The following USP9X variants were observed in gnomAD, a reference collection of about 807,000 sequenced individuals.
The protein encoded by USP9X is ubiquitin specific peptidase 9 X-linked, also known as ubiquitin carboxyl-terminal hydrolase 9X.
USP9X carries 7 observed loss-of-function variants against 190.3 expected under a neutral mutation model. The observed-to-expected ratio is 0.04, with a 90% confidence interval of 0.02 to 0.07. The LOEUF is 0.07. Among genes scored for constraint, USP9X ranks in the 10% least tolerant of loss-of-function variants. The pLI, the probability that USP9X is intolerant of heterozygous loss-of-function variation, is 1.00. For missense variants in USP9X, 1,010 were observed against 1,916.9 expected (o/e 0.53, Z 8.83); for synonymous variants, 645 against 659.5 (o/e 0.98, Z 0.34).
At chrX:41,227,861 T>C (rs1478199685) in intron 41 of USP9X, among the ~76,000 whole-genome samples, 1 of 111,524 alleles carries the variant, frequency 9.0e-6, no homozygotes, top group African/African-American at 3.3e-5. Flanking sequence ...CCACCATGCC[T>C]GGCTAATTAT....
Position 41,201,288 on chromosome X carries a change from T to A in USP9X, c.4824+8T>A. ...GAGAAGCAGGACAATGAGGTAAATT[T>A]GAGTTACCATTTCTGTTTTCTGTGT... On this transcript the variant is annotated splice_region_variant and intron_variant, in intron 31 of 44. Transcript: ENST00000378308. The A allele has an allele frequency of 3.4e-6, 4 of 1,189,499 alleles. No homozygotes were observed. The highest frequency in any genetic ancestry group is 4.6e-6 in the Non-Finnish European group (4 of 875,309).
At chrX:41,228,627 A>G (rs201345705) in intron 41 of USP9X, among the ~76,000 whole-genome samples, 2 of 104,133 alleles carry the variant, frequency 1.9e-5, no homozygotes, top group Middle Eastern at 5.1e-3. Context: ...ACTTAGTTAT[A>G]ACTTTTTTAA....
intron 6 of USP9X, among the ~76,000 whole-genome samples, chrX:41,138,471 T>C (rs761809912): frequency 5.3e-5 from 6 of 112,212 alleles, no homozygotes; most frequent in Non-Finnish European, 1.1e-4. Context: ...TTTGAGAAAT[T>C]TGAGTTACAG....
rs763361940 is a variant in USP9X at position 41,166,290 on chromosome X, T to C, written c.2328+76T>C. The stretch of plus-strand genomic sequence containing the variant: ...GTACGTAAGGAATTGTAATTTTGCA[T>C]ATAAATTGTGTATTTTACTCTGATG... On this transcript the variant is annotated intron_variant, in intron 16 of 44. Coordinates refer to ENST00000378308, the MANE Select transcript of USP9X (RefSeq NM_001039591.3). 2.6e-5 allele frequency: 20 copies of C among 783,466 alleles called. No individual in the cohort carries two copies. In the African/African-American group the frequency reaches 3.0e-4, roughly 12 times the overall value. The allele number at this position is 783,466 out of a possible 1,213,427, so 64.6% of individuals were successfully genotyped here.
intron 9 of USP9X, among the ~76,000 whole-genome samples, chrX:41,142,556 T>C (rs1267045253): frequency 8.9e-6 from 1 of 112,061 alleles, no homozygotes; most frequent in Non-Finnish European, 1.9e-5. Flanking sequence ...ACTGGCTCAT[T>C]ATCAGCTGAG....
rs766076104 is a variant in USP9X at position 41,209,264 on chromosome X, G to A, written c.5016-1245G>A. On this transcript the variant is annotated intron_variant, in intron 32 of 44. Coordinates refer to ENST00000378308, the MANE Select transcript of USP9X (RefSeq NM_001039591.3). ...CTCATGAAGGAATCACAAGGATTTGGCTGTTAGCTCTTTAGTTGCCTTTTA... is the reference window on the plus strand; with the variant it reads ...CTCATGAAGGAATCACAAGGATTTGACTGTTAGCTCTTTAGTTGCCTTTTA... 9.1e-4 allele frequency among the ~76,000 whole-genome samples: 102 copies of A among 111,744 alleles called. 1 individual carries two copies. The highest frequency in any genetic ancestry group is 1.8e-3 in the Non-Finnish European group (93 of 53,103).
chrX:41,111,179 G>C (rs1021769117), intron 1 of USP9X, among the ~76,000 whole-genome samples: 1 of 111,753 alleles, frequency 8.9e-6, no homozygotes, highest in Non-Finnish European at 1.9e-5. Flanking sequence ...ATTGGGTCAC[G>C]AGAGTGGAAC....
In USP9X at chrX:41,171,496, C is replaced by T. The variant is rs1268755081; in HGVS notation, c.3028-342C>T. ...ACAATAGTAGCAGCCACTCCAGTGT[C>T]AGGAGGATTTGGCTCTCTATAACAA... On this transcript the variant is annotated intron_variant, in intron 20 of 44. Transcript: ENST00000378308. Among the ~76,000 whole-genome samples the T allele has an allele frequency of 3.6e-5, 4 of 112,037 alleles. No individual in the cohort carries two copies. The Admixed American group carries it at 3.8e-4, about 11-fold the overall frequency.
intron 2 of USP9X, 44 bp downstream of exon 2, chrX:41,123,768 C>A: frequency 8.8e-7 from 1 of 1,130,669 alleles, no homozygotes. Context: ...TGGGGCTGGA[C>A]TCAGTGGTTC....
In USP9X at chrX:41,144,376, T is replaced by A. The variant is rs1047067020; in HGVS notation, c.1315-146T>A. 2.7e-5 allele frequency: 13 copies of A among 478,296 alleles called. No homozygotes were observed. In the Admixed American group the frequency reaches 3.8e-4, roughly 14 times the overall value. 39.4% of individuals were successfully genotyped at this position (478,296 alleles called of 1,213,427 possible). A position where few individuals can be genotyped will look rare whatever the true frequency, so the allele number is the denominator to read the frequency against. On this transcript the variant is annotated intron_variant, in intron 10 of 44. Coordinates refer to ENST00000378308, the MANE Select transcript of USP9X (RefSeq NM_001039591.3). ...GTGGGATTATAGGCATTTGCCACTG[T>A]GCGGGCTGTGTTAGGAATTTTCTTG...
chrX:41,229,548 GTTTTA>G lies in USP9X; in HGVS notation c.7219-14_7219-10del. On this transcript the variant is annotated splice_polypyrimidine_tract_variant and intron_variant, in intron 42 of 44. Transcript: ENST00000378308. ...TATTCCAAATCCTCTTATCTATATG[GTTTTA>G]TTTTCTTTTGCAGGGCAATGGAGAT... The G allele has an allele frequency of 8.3e-7, 1 of 1,207,089 alleles. No homozygotes were observed. Among genetic ancestry groups the G allele is most frequent in the Non-Finnish European group, 1.1e-6 (1 of 893,675 alleles).
chrX:41,209,405 G>T (rs977280133), intron 32 of USP9X, among the ~76,000 whole-genome samples: 1 of 111,040 alleles, frequency 9.0e-6, no homozygotes, highest in Non-Finnish European at 1.9e-5. Context: ...CTGATGATTA[G>T]CTTTATGTTA....
intron 29 of USP9X, among the ~76,000 whole-genome samples, chrX:41,197,890 A>G (rs1387613108): frequency 9.1e-6 from 1 of 110,234 alleles, no homozygotes; most frequent in Non-Finnish European, 1.9e-5. Flanking sequence ...GCGCACACCC[A>G]TGGTCCCCAG....
In USP9X at chrX:41,101,021, C is replaced by T. The variant is rs1021385807; in HGVS notation, c.-159+14912C>T. 2.7e-5 allele frequency among the ~76,000 whole-genome samples: 3 copies of T among 111,353 alleles called. 1 individual carries two copies. The highest frequency in any genetic ancestry group is 5.7e-5 in the Non-Finnish European group (3 of 53,042). On this transcript the variant is annotated intron_variant, in intron 1 of 44. Transcript: ENST00000378308. ...TGATATTCTATCAAAAAATTGCTGA[C>T]CTCTGGTCTTTTTGTTTAATAATAG...
Position 41,085,572 on chromosome X carries a change from C to A in USP9X, c.-696C>A, listed in dbSNP as rs1230534895. 3.8e-6 allele frequency: 1 copy of A among 262,207 alleles called. No individual in the cohort carries two copies. Among genetic ancestry groups the A allele is most frequent in the Non-Finnish European group, 6.7e-6 (1 of 148,724 alleles). 21.6% of individuals were successfully genotyped at this position (262,207 alleles called of 1,213,427 possible). A position where few individuals can be genotyped will look rare whatever the true frequency, so the allele number is the denominator to read the frequency against. ...GGGCCTCTGTCGCGCCTAGCCCCTC[C>A]CCGCCTTACACAGCTCCCGGGCCTC... On this transcript the variant is annotated 5_prime_UTR_variant, in exon 1 of 45. Coordinates refer to ENST00000378308, the MANE Select transcript of USP9X (RefSeq NM_001039591.3).
chrX:41,178,187 G>A (rs1420702108), intron 21 of USP9X, among the ~76,000 whole-genome samples: 1 of 89,602 alleles, frequency 1.1e-5, no homozygotes, highest in African/African-American at 4.4e-5. Context: ...TGCACCCTCT[G>A]CCTCCTGGGT....
chrX:41,155,387 C>G (rs1347228164), intron 14 of USP9X, among the ~76,000 whole-genome samples: 1 of 111,723 alleles, frequency 9.0e-6, no homozygotes, highest in East Asian at 2.8e-4. Flanking sequence ...TATAAACCAC[C>G]TTTTAGTTTT....
intron 1 of USP9X, among the ~76,000 whole-genome samples, chrX:41,118,742 G>A (rs186098292): frequency 3.8e-4 from 43 of 111,970 alleles, no homozygotes; most frequent in South Asian, 7.4e-4. Context: ...CTACCCTTTT[G>A]TGAATAGTTG....
At chrX:41,097,845 CCT>C (rs2062003738) in intron 1 of USP9X, among the ~76,000 whole-genome samples, 1 of 111,342 alleles carries the variant, frequency 9.0e-6, no homozygotes, top group Admixed American at 9.6e-5. Context: ...ACAATTTTGA[CCT>C]CTCTGACCTC....
Sources: gnomAD v4.1 joint callset for allele counts (sites outside exome capture counted in the v4.1 genomes callset) on GRCh38, gnomAD v4.1.1 for gene constraint, MANE v1.5 for transcripts, NCBI Gene and HGNC (gene_info 2026-07-23, HGNC 2026-07-21) for gene names.